Variants in RBFOX2 observed in about 807,000 individuals in gnomAD.
RBFOX2 encodes RNA binding fox-1 homolog 2, also known as RNA binding protein fox-1 homolog 2.
In RBFOX2, 10 loss-of-function variants were observed where a neutral mutation model predicts 49.1. That is an observed-to-expected ratio of 0.20 (90% CI 0.13 to 0.35). RBFOX2 has a LOEUF of 0.35. Among genes scored for constraint, RBFOX2 ranks in the 10% least tolerant of loss-of-function variants. The pLI is 1.00. For missense variants in RBFOX2, 323 were observed against 486.9 expected (o/e 0.66, Z 3.17); for synonymous variants, 183 against 187.4 (o/e 0.98, Z 0.19).
chr22:36,006,380 T>A (rs915242287), intron 1 of RBFOX2, among the ~76,000 whole-genome samples: 2 of 152,216 alleles, frequency 1.3e-5, no homozygotes, highest in Non-Finnish European at 2.9e-5. Flanking sequence ...TGCAGACAGA[T>A]GAGAAAAAGA....
At chr22:36,004,561 C>T (rs1159441640) in intron 1 of RBFOX2, among the ~76,000 whole-genome samples, 2 of 152,056 alleles carry the variant, frequency 1.3e-5, no homozygotes, top group Non-Finnish European at 2.9e-5. Flanking sequence ...TTTGGGAGGC[C>T]GAGGTGGGTA....
At chr22:35,985,457 C>A (rs531568592) in intron 1 of RBFOX2, among the ~76,000 whole-genome samples, 1 of 152,250 alleles carries the variant, frequency 6.6e-6, no homozygotes, top group Admixed American at 6.5e-5. Flanking sequence ...AAGAGAACAG[C>A]CACTATTTAG....
intron 1 of RBFOX2, among the ~76,000 whole-genome samples, chr22:35,991,307 A>G (rs891443812): frequency 4.6e-5 from 7 of 152,330 alleles, no homozygotes; most frequent in Admixed American, 3.3e-4. Flanking sequence ...ATCGGAATGG[A>G]AGAGAAAAAG....
chr22:35,835,903 TAGA>T (rs1382307037), intron 1 of RBFOX2, among the ~76,000 whole-genome samples: 1 of 152,018 alleles, frequency 6.6e-6, no homozygotes, highest in African/African-American at 2.4e-5. Flanking sequence ...TGGAGCAATG[TAGA>T]AGAATTCAGA....
At chr22:36,010,772 CACACACGT>C (rs1351782881) in intron 1 of RBFOX2, among the ~76,000 whole-genome samples, 6 of 150,388 alleles carry the variant, frequency 4.0e-5, no homozygotes, top group East Asian at 2.0e-4. Context: ...CACACACACA[CACACACGT>C]GTGTTTATAT....
At chr22:35,877,151 T>C (rs1461428200) in intron 1 of RBFOX2, among the ~76,000 whole-genome samples, 5 of 152,176 alleles carry the variant, frequency 3.3e-5, no homozygotes, top group African/African-American at 9.6e-5. Context: ...CAATCAACCA[T>C]AAATTAGGTA....
chr22:35,983,545 C>A lies in RBFOX2; in HGVS notation c.187-44648G>T, dbSNP rs530845233. Among the ~76,000 whole-genome samples, 6 of 152,112 alleles carry A rather than the reference C, an allele frequency of 3.9e-5. No homozygotes were observed. The East Asian group carries it at 1.2e-3, about 29-fold the overall frequency. The stretch of plus-strand genomic sequence containing the variant: ...GAATCACTGTGGTAAGATGTTAGAG[C>A]TAAAAGCAATCTCAGAAATAACATC... On this transcript the variant is annotated intron_variant, in intron 1 of 13. Coordinates refer to the RBFOX2 transcript ENST00000438146.
chr22:35,743,945 A>C, exon 12 of RBFOX2: 1 of 362,188 alleles, frequency 2.8e-6, no homozygotes, highest in Non-Finnish European at 4.8e-6. Context: ...TTTTTTTTTT[A>C]CCACAGTTTA....
intron 1 of RBFOX2, among the ~76,000 whole-genome samples, chr22:35,902,161 T>C (rs955869110): frequency 1.7e-4 from 26 of 152,090 alleles, no homozygotes; most frequent in Admixed American, 2.6e-4. Context: ...CTCAAAGAAC[T>C]TCCCTTACTT....
chr22:35,846,226 TAA>T (rs1020315575), intron 1 of RBFOX2, among the ~76,000 whole-genome samples: 8 of 149,508 alleles, frequency 5.4e-5, no homozygotes, highest in Non-Finnish European at 1.0e-4. Context: ...ATAAACTATA[TAA>T]GTTAATATAA....
At chr22:35,913,738 A>G (rs879644252) in intron 1 of RBFOX2, among the ~76,000 whole-genome samples, 7 of 152,040 alleles carry the variant, frequency 4.6e-5, no homozygotes, top group Non-Finnish European at 8.8e-5. Flanking sequence ...ATGGGTAAAG[A>G]TAATTTTTTA....
chr22:35,991,902 C>T (rs1400784310), intron 1 of RBFOX2, among the ~76,000 whole-genome samples: 1 of 152,116 alleles, frequency 6.6e-6, no homozygotes, highest in Non-Finnish European at 1.5e-5. Flanking sequence ...CAAACAATTA[C>T]TTTTTTACAC....
chr22:35,888,227 T>C (rs928378598), intron 1 of RBFOX2, among the ~76,000 whole-genome samples: 9 of 152,306 alleles, frequency 5.9e-5, no homozygotes, highest in African/African-American at 2.2e-4. Context: ...TTAGGCCTAC[T>C]TCATCTCTGT....
chr22:35,983,082 C>T (rs1408389738), intron 1 of RBFOX2, among the ~76,000 whole-genome samples: 5 of 152,194 alleles, frequency 3.3e-5, no homozygotes, highest in Non-Finnish European at 5.9e-5. Context: ...CTAAGTTTAT[C>T]CTGAGGGCTG....
At chr22:35,897,131 TAACCTCAAATG>T in intron 1 of RBFOX2, 1 of 525,254 alleles carries the variant, frequency 1.9e-6, no homozygotes. Context: ...TTTTTCTTTT[TAACCTCAAATG>T]TTTTAATGGT....
chr22:35,768,058 A>G (rs548365773), intron 5 of RBFOX2, among the ~76,000 whole-genome samples, 199 bp downstream of exon 6: 2 of 152,182 alleles, frequency 1.3e-5, no homozygotes, highest in East Asian at 3.9e-4. Context: ...CCAAACAACC[A>G]ATAAATGAGG....
chr22:35,759,905 G>T lies in RBFOX2; in HGVS notation c.870C>A (p.Ala290=). 6.2e-7 allele frequency: 1 copy of T among 1,613,676 alleles called. No individual in the cohort carries two copies. Among genetic ancestry groups the T allele is most frequent in the Non-Finnish European group, 8.5e-7 (1 of 1,179,996 alleles). ...ACGCTTACCCTGGATAGGCGGGGAT[G>T]GCTGTTGGAGGTACCGCTCGGACTG... The change falls in exon 9 of 12, where the codon GCC becomes GCA. Residue 290 remains alanine, a synonymous_variant. Transcript: ENST00000405409. This position sits in a 1 kb window ranked among gnomAD's most constrained non-coding sequence, Gnocchi z 4.6.
chr22:35,919,531 A>C (rs1285882650), intron 1 of RBFOX2, among the ~76,000 whole-genome samples: 2 of 113,280 alleles, frequency 1.8e-5, no homozygotes, highest in African/African-American at 7.8e-5. Context: ...AGACTGTCTC[A>C]AAAAAAAAAA....
chr22:35,844,773 T>C (rs1472603771), upstream of RBFOX2, among the ~76,000 whole-genome samples: 4 of 151,908 alleles, frequency 2.6e-5, no homozygotes, highest in Non-Finnish European at 4.4e-5. Flanking sequence ...CCCAAAGTGC[T>C]GGGATTACAG....
Sources: allele counts gnomAD v4.1 joint callset (sites outside exome capture counted in the v4.1 genomes callset), GRCh38; gene constraint gnomAD v4.1.1; non-coding constraint Gnocchi (gnomAD v3.1); transcripts MANE v1.5; gene names NCBI Gene and HGNC (gene_info 2026-07-23, HGNC 2026-07-21).